The following CCS variants were observed in gnomAD, a reference collection of about 807,000 sequenced individuals.
CCS encodes superoxide dismutase copper chaperone.
CCS carries 32 observed loss-of-function variants against 35.5 expected under a neutral mutation model. The observed-to-expected ratio is 0.90, with a 90% CI of 0.68 to 1.21. The LOEUF (loss-of-function observed/expected upper bound fraction) is 1.21. Among genes scored for constraint, CCS ranks in the 50% most tolerant of loss-of-function variants. CCS has a pLI of 0.00. For synonymous variants in CCS, 130 were observed against 147.2 expected (o/e 0.88, Z 0.84); for missense variants, 342 against 375.4 (o/e 0.91, Z 0.73).
intron 2 of CCS, among the ~76,000 whole-genome samples, chr11:66,596,380 C>CTT (rs763924445): frequency 4.4e-5 from 6 of 137,022 alleles, no homozygotes; most frequent in African/African-American, 5.3e-5. Flanking sequence ...TGACAACTGA[C>CTT]TTTTTTTTTT....
chr11:66,605,832 G>T lies in CCS; in HGVS notation c.802G>T (p.Ala268Ser), dbSNP rs760753625. ...PIAGKGRKES[A>S]QPPAHL ...CGCTGGCAAGGGCCGAAAGGAGTCA[G>T]CGCAGCCCCCTGCCCACCTTTGAGC... The change falls in exon 8 of 8, where the codon GCG becomes TCG. Residue 268 changes from alanine to serine, a missense_variant. Transcript: ENST00000533244. 1 of 1,568,484 alleles carries T rather than the reference G, an allele frequency of 6.4e-7. No individual in the cohort carries two copies. The highest frequency in any genetic ancestry group is 1.7e-4 in the Middle Eastern group (1 of 5,816).
At chr11:66,603,633 T>G (rs1052512032) in intron 5 of CCS, among the ~76,000 whole-genome samples, 1 of 152,126 alleles carries the variant, frequency 6.6e-6, no homozygotes, top group Non-Finnish European at 1.5e-5. Flanking sequence ...GATCACAAGG[T>G]CAGGAGATCG....
Position 66,605,715 on chromosome 11 carries a change from A to G in CCS, c.685A>G (p.Ile229Val), listed in dbSNP as rs1021893681. The G allele has an allele frequency of 2.0e-5, 31 of 1,584,252 alleles. No homozygotes were observed. Among genetic ancestry groups the G allele is most frequent in the Non-Finnish European group, 2.6e-5 (30 of 1,164,932 alleles). Residue 229 changes from isoleucine to valine, a missense_variant, in exon 8 of 8, where the codon ATC becomes GTC. Physicochemically the swap from Ile to Val is conservative, Grantham distance 29. Transcript: ENST00000533244. ...ATTCTTCTGCAGGTTGGCCTGTGGC[A>G]TCATTGCACGCTCCGCTGGCCTTTT... ...GNSGERLACG[I>V]IARSAGLFQN...
chr11:66,600,638 T>A, intron 5 of CCS, 89 bp downstream of exon 5: 1 of 606,532 alleles, frequency 1.6e-6, no homozygotes. Context: ...CATAACAGTG[T>A]GATTCCTTTT....
At chr11:66,599,390 C>T in intron 3 of CCS, 69 bp from the exon 4 acceptor site, 2 of 1,495,168 alleles carry the variant, frequency 1.3e-6, no homozygotes, top group African/African-American at 1.4e-5. Flanking sequence ...ACTCCCTGCC[C>T]TTCCCGAGCT....
Position 66,593,244 on chromosome 11 carries a change from G to A in CCS, c.-18G>A, listed in dbSNP as rs1028948765. Reference sequence around the variant, plus strand: ...CGCCGGAGGAGTTCTGCGTCTCGGGGTGGTGACTGGGTCCAGAATGGCTTC... The same window carrying A: ...CGCCGGAGGAGTTCTGCGTCTCGGGATGGTGACTGGGTCCAGAATGGCTTC... On this transcript the variant is annotated 5_prime_UTR_variant, in exon 1 of 8. In the 5' UTR this introduces an upstream ATG that the reference lacks. Transcript: ENST00000533244. 1 of 1,560,248 alleles carries A rather than the reference G, an allele frequency of 6.4e-7. No individual in the cohort carries two copies. The highest frequency in any genetic ancestry group is 1.2e-5 in the South Asian group (1 of 84,740).
At chr11:66,600,644 C>T in intron 5 of CCS, 95 bp downstream of exon 5, 1 of 571,878 alleles carries the variant, frequency 1.7e-6, no homozygotes, top group Middle Eastern at 2.9e-4. Context: ...AGTGTGATTC[C>T]TTTTTGGTGG....
At chr11:66,599,859 G>A (rs1858545057) in intron 4 of CCS, 2 of 474,662 alleles carry the variant, frequency 4.2e-6, no homozygotes, top group South Asian at 5.2e-5. Context: ...GCTCACACCT[G>A]TAATCTAGCA....
chr11:66,604,677 C>T (rs1038686273), intron 5 of CCS, among the ~76,000 whole-genome samples: 1 of 152,194 alleles, frequency 6.6e-6, no homozygotes, highest in Non-Finnish European at 1.5e-5. Context: ...GACCTGCATA[C>T]TCCCTGCCAT....
chr11:66,595,759 A>G (rs1281261706), intron 2 of CCS, among the ~76,000 whole-genome samples: 1 of 152,110 alleles, frequency 6.6e-6, no homozygotes, highest in Non-Finnish European at 1.5e-5. Context: ...TAACTCAAGG[A>G]GCAAACTGAA....
At chr11:66,596,861 C>T (rs1256585271) in intron 2 of CCS, among the ~76,000 whole-genome samples, 1 of 152,156 alleles carries the variant, frequency 6.6e-6, no homozygotes, top group African/African-American at 2.4e-5. Context: ...CTAAGGGCTG[C>T]TTCCTAGGGT....
At chr11:66,593,752 A>G in intron 2 of CCS, 38 bp downstream of exon 2, 2 of 1,577,518 alleles carry the variant, frequency 1.3e-6, no homozygotes, top group Non-Finnish European at 1.7e-6. Context: ...ACAGTCCAGA[A>G]GCCTCTGGGA....
chr11:66,593,688 T>C lies in CCS; in HGVS notation c.86T>C (p.Val29Ala). 1.2e-6 allele frequency: 2 copies of C among 1,613,808 alleles called. No homozygotes were observed. The highest frequency in any genetic ancestry group is 1.7e-6 in the Non-Finnish European group (2 of 1,179,936). Residue 29 changes from valine (V) to alanine (A), a missense_variant, in exon 2 of 8, where the codon GTG (valine) becomes GCG (alanine). Coordinates refer to ENST00000533244, the MANE Select transcript of CCS (RefSeq NM_005125.2). ...QMTCQSCVDA[V>A]RKSLQGVAGV... is the part of the protein sequence containing the mutation. ...ACCTGTCAGAGCTGTGTGGACGCGGTGCGCAAATCCCTGCAAGGGGTGGCA... is the reference window on the plus strand; with the variant it reads ...ACCTGTCAGAGCTGTGTGGACGCGGCGCGCAAATCCCTGCAAGGGGTGGCA...
intron 5 of CCS, among the ~76,000 whole-genome samples, chr11:66,602,617 C>G (rs1299559610): frequency 6.6e-6 from 1 of 152,196 alleles, no homozygotes; most frequent in Non-Finnish European, 1.5e-5. Context: ...AGGAAGTAGG[C>G]ATTGAAGAGG....
intron 1 of CCS, 113 bp downstream of exon 1, chr11:66,593,413 C>A: frequency 1.7e-6 from 2 of 1,196,952 alleles, no homozygotes; most frequent in East Asian, 2.6e-5. Flanking sequence ...GGGCCTGGGG[C>A]CATGGGATGA....
Position 66,600,548 on chromosome 11 carries a change from G to C in CCS, c.488G>C (p.Arg163Pro). 1.3e-6 allele frequency: 2 copies of C among 1,512,306 alleles called. No homozygotes were observed. The highest frequency in any genetic ancestry group is 1.8e-6 in the Non-Finnish European group (2 of 1,121,468). 93.7% of individuals were successfully genotyped at this position (1,512,306 alleles called of 1,614,324 possible). A position where few individuals can be genotyped will look rare whatever the true frequency, so the allele number is the denominator to read the frequency against. The stretch of plus-strand genomic sequence containing the variant: ...CATGGGGGCCCCCAGGACTCTGACC[G>C]GGTAAGTGTCTGTCTGGGTTTGGGC... ...ASHGGPQDSD[R>P]HRGDLGNVRA... is the part of the protein sequence containing the mutation. Residue 163 changes from arginine (R) to proline (P), a missense_variant and splice_region_variant, in exon 5 of 8, where the codon CGG becomes CCG. Coordinates refer to ENST00000533244, the MANE Select transcript of CCS (RefSeq NM_005125.2).
chr11:66,601,723 C>A (rs1331255760), intron 5 of CCS, among the ~76,000 whole-genome samples: 2 of 151,896 alleles, frequency 1.3e-5, no homozygotes, highest in African/African-American at 4.8e-5. Context: ...ACCATTATGC[C>A]CAGCTAATTT....
At chr11:66,596,269 G>T (rs949347810) in intron 2 of CCS, among the ~76,000 whole-genome samples, 2 of 151,996 alleles carry the variant, frequency 1.3e-5, no homozygotes, top group African/African-American at 4.8e-5. Flanking sequence ...GTTTTGCCAT[G>T]TTGGCAAGGC....
At chr11:66,600,240 T>G in intron 4 of CCS, 1 of 355,538 alleles carries the variant, frequency 2.8e-6, no homozygotes, top group Non-Finnish European at 5.0e-6. Flanking sequence ...CCCCATGCCA[T>G]GGTGTTTGTC....
Sources: gnomAD v4.1 joint callset for allele counts (sites outside exome capture counted in the v4.1 genomes callset) on GRCh38, gnomAD v4.1.1 for gene constraint, MANE v1.5 for transcripts, NCBI Gene and HGNC (gene_info 2026-07-23, HGNC 2026-07-21) for gene names.